The following CLIP1 variants were observed in gnomAD, a reference collection of about 807,000 sequenced individuals.
CLIP1 encodes CAP-Gly domain-containing linker protein 1.
CLIP1 carries 66 observed loss-of-function variants against 161.6 expected under a neutral mutation model. The observed-to-expected ratio is 0.41, with a 90% CI of 0.33 to 0.50. The LOEUF (loss-of-function observed/expected upper bound fraction) is 0.50, where lower values mean the gene tolerates loss of function less well. Among genes scored for constraint, CLIP1 ranks in the 20% least tolerant of loss-of-function variants. The probability of loss-of-function intolerance (pLI) is 0.27; values close to 1 mark genes in which losing one functional copy is unlikely to be tolerated. For missense variants in CLIP1, 1,376 were observed against 1,702.0 expected (o/e 0.81, Z 3.37); for synonymous variants, 598 against 626.2 (o/e 0.96, Z 0.67).
At chr12:122,359,314 A>G (rs1953662861) in intron 5 of CLIP1, among the ~76,000 whole-genome samples, 1 of 152,222 alleles carries the variant, frequency 6.6e-6, no homozygotes, top group Non-Finnish European at 1.5e-5. Context: ...GCTAAGAGGT[A>G]CAAGAACTGG....
Position 122,380,431 on chromosome 12 carries a change from C to A in CLIP1, c.22G>T (p.Gly8Trp). The part of the protein sequence containing the change: MSMLKPS[G>W]LKAPTKILKP... ...AGGATCTTGGTGGGGGCCTTAAGCC[C>A]ACTTGGCTTTAGCATACTCATTTTC... Residue 8 changes from glycine to tryptophan, a missense_variant, in exon 2 of 26, where the codon GGG (glycine) becomes TGG (tryptophan). Coordinates refer to ENST00000620786, the MANE Select transcript of CLIP1 (RefSeq NM_001247997.2). 1 of 1,612,878 alleles carries A rather than the reference C, an allele frequency of 6.2e-7. No homozygotes were observed. Among genetic ancestry groups the A allele is most frequent in the Non-Finnish European group, 8.5e-7 (1 of 1,179,396 alleles).
At chr12:122,287,970 C>T (rs770974632) in intron 21 of CLIP1, among the ~76,000 whole-genome samples, 1 of 152,018 alleles carries the variant, frequency 6.6e-6, no homozygotes, top group Non-Finnish European at 1.5e-5. Context: ...GTGAAAGCAA[C>T]TGAACATGGC....
At position 122,354,956 on chromosome 12, in the gene CLIP1, C is replaced by T. The variant is rs748760235; in HGVS notation, c.1203+159G>A. On this transcript the variant is annotated intron_variant, in intron 6 of 25. Transcript: ENST00000620786. Reference sequence around the variant, plus strand: ...ATCTCTGTGATCATGGAAACTGGCACCCCAGACTGTAGCTTTCAAACAAGC... The same window carrying T: ...ATCTCTGTGATCATGGAAACTGGCATCCCAGACTGTAGCTTTCAAACAAGC... 5 of 662,764 alleles carry T rather than the reference C, an allele frequency of 7.5e-6. No individual in the cohort carries two copies. In the South Asian group the frequency reaches 9.4e-5, roughly 12 times the overall value. The allele number at this position is 662,764 out of a possible 1,614,324, so 41.1% of individuals were successfully genotyped here. A position where few individuals can be genotyped will look rare whatever the true frequency, so the allele number is the denominator to read the frequency against.
Position 122,315,807 on chromosome 12 carries a change from A to G in CLIP1, c.3473+942T>C, listed in dbSNP as rs183607552. Among the ~76,000 whole-genome samples, 447 of 151,614 alleles carry G rather than the reference A, an allele frequency of 2.9e-3. 7 individuals carry two copies. Among genetic ancestry groups the G allele is most frequent in the Middle Eastern group, 0.014 (4 of 294 alleles). Reference sequence around the variant, plus strand: ...AGGCGTCCGCCACCACGCCCGGCTAATTTCTTTGTATTTTTAGTAGAGACG... The same window carrying G: ...AGGCGTCCGCCACCACGCCCGGCTAGTTTCTTTGTATTTTTAGTAGAGACG... On this transcript the variant is annotated intron_variant, in intron 19 of 25. Coordinates refer to ENST00000620786, the MANE Select transcript of CLIP1 (RefSeq NM_001247997.2).
In CLIP1 at chr12:122,341,686, A is replaced by G; in HGVS notation, c.1518T>C (p.Val506=). The change falls in exon 11 of 26, where the codon GTT becomes GTC. Residue 506 remains valine, a synonymous_variant. Transcript: ENST00000620786. ...RELEDTRVAT[V]SEKSRIMELE... ...GTTCCATTATACGTGACTTTTCTGA[A>G]ACTGTAGCCACCTATTAACAGCAGT... 1 of 1,560,076 alleles carries G rather than the reference A, an allele frequency of 6.4e-7. No homozygotes were observed. The highest frequency in any genetic ancestry group is 1.4e-5 in the African/African-American group (1 of 72,734).
At chr12:122,371,947 G>A (rs1954472383) in intron 3 of CLIP1, among the ~76,000 whole-genome samples, 1 of 152,086 alleles carries the variant, frequency 6.6e-6, no homozygotes, top group South Asian at 2.1e-4. Context: ...ACCCTAAAAG[G>A]TTACACTAGG....
intron 1 of CLIP1, among the ~76,000 whole-genome samples, chr12:122,409,874 ATT>A (rs770849234): frequency 7.0e-6 from 1 of 142,004 alleles, no homozygotes. Flanking sequence ...TGTTATTTTT[ATT>A]TTTTTTTTTT....
At chr12:122,273,980 G>A (rs555211132) in intron 25 of CLIP1, 58 bp downstream of exon 25, 27 of 1,530,314 alleles carry the variant, frequency 1.8e-5, no homozygotes, top group East Asian at 9.3e-5. Flanking sequence ...TGGTCCGCCC[G>A]CCTCGGCCTC....
chr12:122,351,230 CTTTA>C, intron 8 of CLIP1, 87 bp from the exon 9 acceptor site: 2 of 810,146 alleles, frequency 2.5e-6, no homozygotes, highest in Non-Finnish European at 3.7e-6. Flanking sequence ...TTCAAGATAA[CTTTA>C]TTTGATTAAT....
At chr12:122,338,497 A>G (rs1341129551) in intron 11 of CLIP1, among the ~76,000 whole-genome samples, 1 of 152,072 alleles carries the variant, frequency 6.6e-6, no homozygotes, top group Non-Finnish European at 1.5e-5. Context: ...TCAGTGGATC[A>G]CTTGAGGTCA....
At chr12:122,321,528 CT>C (rs1194931118) in intron 17 of CLIP1, among the ~76,000 whole-genome samples, 1 of 148,562 alleles carries the variant, frequency 6.7e-6, no homozygotes, top group African/African-American at 2.5e-5. Context: ...CCTGGCTGTT[CT>C]TTTTTTTTAG....
intron 1 of CLIP1, among the ~76,000 whole-genome samples, chr12:122,405,087 T>G (rs1479302661): frequency 6.6e-6 from 1 of 152,174 alleles, no homozygotes; most frequent in Non-Finnish European, 1.5e-5. Context: ...GCCTTTCACA[T>G]GAGATTACTT....
chr12:122,297,545 T>C (rs1950518768), intron 20 of CLIP1, among the ~76,000 whole-genome samples: 1 of 152,182 alleles, frequency 6.6e-6, no homozygotes, highest in Admixed American at 6.5e-5. Context: ...TCTGCTCAAC[T>C]GAGGTGTTCA....
intron 19 of CLIP1, among the ~76,000 whole-genome samples, chr12:122,313,313 TAC>T (rs946141722): frequency 6.6e-6 from 1 of 151,900 alleles, no homozygotes; most frequent in African/African-American, 2.4e-5. Flanking sequence ...GTCTGGGGAG[TAC>T]AGCACCAGGA....
chr12:122,357,416 G>A (rs1953473611), intron 5 of CLIP1, among the ~76,000 whole-genome samples: 1 of 150,236 alleles, frequency 6.7e-6, no homozygotes, highest in East Asian at 2.0e-4. Flanking sequence ...CGCCCTGTCT[G>A]AGAAGTGAAG....
intron 21 of CLIP1, 23 bp downstream of exon 21, chr12:122,288,466 A>G: frequency 6.3e-7 from 1 of 1,592,346 alleles, no homozygotes; most frequent in Non-Finnish European, 8.6e-7. Context: ...ACACACACAT[A>G]CAACAATAAA....
intron 1 of CLIP1, among the ~76,000 whole-genome samples, chr12:122,387,616 T>TTTTTTTTA (rs1955384626): frequency 9.9e-6 from 1 of 100,986 alleles, no homozygotes; most frequent in African/African-American, 3.6e-5. Context: ...TTTTTTTTTT[T>TTTTTTTTA]AGAAACAAGG....
At chr12:122,389,204 T>C (rs1955471555) in intron 1 of CLIP1, among the ~76,000 whole-genome samples, 1 of 152,202 alleles carries the variant, frequency 6.6e-6, no homozygotes, top group Non-Finnish European at 1.5e-5. Flanking sequence ...AATAGCCCCT[T>C]GCACACTTGG....
At chr12:122,287,784 GA>G in intron 21 of CLIP1, among the ~76,000 whole-genome samples, 2 of 152,202 alleles carry the variant, frequency 1.3e-5, no homozygotes, top group South Asian at 4.2e-4. Flanking sequence ...AAAGCAAATA[GA>G]AACACTTAAA....
Sources: gnomAD v4.1 joint callset for allele counts (sites outside exome capture counted in the v4.1 genomes callset) on GRCh38, gnomAD v4.1.1 for gene constraint, MANE v1.5 for transcripts, NCBI Gene and HGNC (gene_info 2026-07-23, HGNC 2026-07-21) for gene names.